RERE: variants seen among roughly 807,000 people sequenced by gnomAD.
RERE encodes the protein arginine-glutamic acid dipeptide repeats, also known as arginine-glutamic acid dipeptide repeats protein.
RERE carries 40 observed loss-of-function variants against 146.1 expected under a neutral mutation model. That is an observed-to-expected ratio of 0.27 (90% CI 0.21 to 0.36). The LOEUF (loss-of-function observed/expected upper bound fraction) is 0.36, where lower values mean the gene tolerates loss of function less well. RERE is among the 10% of genes least tolerant of loss of function. The pLI is 1.00. For synonymous variants in RERE, 1,003 were observed against 866.0 expected (o/e 1.16, Z -2.78); for missense variants, 1,933 against 2,138.7 (o/e 0.90, Z 1.90).
At chr1:8,675,793 A>G (rs1043122538) in intron 1 of RERE, among the ~76,000 whole-genome samples, 3 of 150,522 alleles carry the variant, frequency 2.0e-5, no homozygotes, top group Middle Eastern at 3.4e-3. Context: ...ATACAGGTTG[A>G]GTATCCCTTA....
intron 7 of RERE, among the ~76,000 whole-genome samples, chr1:8,509,714 G>A (rs373429275): frequency 6.6e-6 from 1 of 152,138 alleles, no homozygotes; most frequent in Non-Finnish European, 1.5e-5. Context: ...AGGATCGCTT[G>A]AGCTGGGAGG....
chr1:8,498,710 T>TA (rs1220899065), intron 8 of RERE, among the ~76,000 whole-genome samples: 109 of 68,210 alleles, frequency 1.6e-3, no homozygotes, highest in Admixed American at 2.3e-3. Context: ...AAAAAAAAAA[T>TA]AAAAAAAAAA....
At chr1:8,762,490 A>G (rs1640773840) in intron 1 of RERE, among the ~76,000 whole-genome samples, 1 of 152,244 alleles carries the variant, frequency 6.6e-6, no homozygotes, top group Non-Finnish European at 1.5e-5. Context: ...AAGACTAATC[A>G]TAATTTCCAT....
chr1:8,556,095 C>T (rs1362009252), intron 6 of RERE, among the ~76,000 whole-genome samples: 2 of 152,022 alleles, frequency 1.3e-5, no homozygotes, highest in Non-Finnish European at 2.9e-5. Flanking sequence ...AACACTTTTT[C>T]CCACCTCAGC....
intron 1 of RERE, among the ~76,000 whole-genome samples, chr1:8,740,654 A>G (rs1036114460): frequency 2.0e-5 from 3 of 152,130 alleles, no homozygotes; most frequent in African/African-American, 4.8e-5. Flanking sequence ...GCTTTATTCT[A>G]TTTTTAAATT....
chr1:8,481,724 T>C (rs1206665978), intron 10 of RERE, among the ~76,000 whole-genome samples: 1 of 152,224 alleles, frequency 6.6e-6, no homozygotes, highest in East Asian at 1.9e-4. Flanking sequence ...GTCCTATGAC[T>C]GGCTCAAAAT....
chr1:8,601,524 A>G (rs970153966), intron 4 of RERE, among the ~76,000 whole-genome samples: 6 of 151,920 alleles, frequency 3.9e-5, no homozygotes, highest in African/African-American at 1.5e-4. Flanking sequence ...GGGAGCAATC[A>G]TTTATGCTGG....
At chr1:8,416,527 A>G (rs1325335477) in intron 12 of RERE, among the ~76,000 whole-genome samples, 1 of 148,494 alleles carries the variant, frequency 6.7e-6, no homozygotes, top group Non-Finnish European at 1.5e-5. Context: ...CGGAGCTTGC[A>G]GTGAGCCGAG....
intron 1 of RERE, among the ~76,000 whole-genome samples, chr1:8,726,147 C>CTTTTTTTTTT (rs70985511): frequency 5.3e-4 from 37 of 69,380 alleles, no homozygotes; most frequent in East Asian, 9.5e-4. Context: ...TTTTTCTTTT[C>CTTTTTTTTTT]TTTTTTTTTT....
At position 8,625,619 on chromosome 1, in the gene RERE, A is replaced by T. The variant is rs148096036; in HGVS notation, c.326-1239T>A. Among the ~76,000 whole-genome samples, 419 of 152,284 alleles carry T rather than the reference A, an allele frequency of 2.8e-3. 2 individuals are homozygous for T. The highest frequency in any genetic ancestry group is 9.6e-3 in the African/African-American group (398 of 41,562). On this transcript the variant is annotated intron_variant, in intron 2 of 22. Coordinates refer to ENST00000400908, the MANE Select transcript of RERE (RefSeq NM_001042681.2). ...CCATGGCCAGCCCATAATGCCATTC[A>T]TTTTATACTTCCTCTGGACCCTTCA...
At chr1:8,553,189 A>G (rs560007806) in intron 6 of RERE, among the ~76,000 whole-genome samples, 52 of 152,058 alleles carry the variant, frequency 3.4e-4, no homozygotes, top group Non-Finnish European at 6.8e-4. Context: ...CCACTAGGCC[A>G]GTGCGTCCAC....
At chr1:8,664,443 C>T (rs1422151736) in intron 1 of RERE, among the ~76,000 whole-genome samples, 2 of 152,174 alleles carry the variant, frequency 1.3e-5, no homozygotes, top group Non-Finnish European at 2.9e-5. Context: ...AGGATCCACA[C>T]AAGTACATGT....
At chr1:8,386,671 T>C (rs1468059289) in intron 12 of RERE, among the ~76,000 whole-genome samples, 3 of 151,670 alleles carry the variant, frequency 2.0e-5, no homozygotes, top group Non-Finnish European at 4.4e-5. Flanking sequence ...AATAAACTCA[T>C]TATAGGATGC....
At chr1:8,622,186 A>G (rs1287960601) in intron 3 of RERE, among the ~76,000 whole-genome samples, 3 of 152,226 alleles carry the variant, frequency 2.0e-5, no homozygotes, top group Non-Finnish European at 4.4e-5. Flanking sequence ...ACCTCTGCCC[A>G]GAACAGCAAC....
intron 10 of RERE, among the ~76,000 whole-genome samples, chr1:8,467,126 G>C (rs1448136605): frequency 6.6e-6 from 1 of 152,194 alleles, no homozygotes; most frequent in African/African-American, 2.4e-5. Context: ...ACTAGGTTCT[G>C]GGACACAGCA....
intron 12 of RERE, among the ~76,000 whole-genome samples, chr1:8,388,661 G>A (rs554314677): frequency 2.0e-5 from 3 of 152,308 alleles, no homozygotes; most frequent in East Asian, 3.9e-4. Flanking sequence ...ACAGTTCACC[G>A]TGTGGCTGTT....
At chr1:8,550,446 T>G (rs4581300) in intron 6 of RERE, among the ~76,000 whole-genome samples, 130,177 of 152,282 alleles carry the variant, frequency 0.85, 55,913 homozygotes, top group East Asian at 0.95. Flanking sequence ...TAAAGCCAGA[T>G]AAGGATTCTT....
intron 1 of RERE, among the ~76,000 whole-genome samples, chr1:8,770,338 T>TAA (rs2124544608): frequency 6.6e-6 from 1 of 152,286 alleles, no homozygotes; most frequent in African/African-American, 2.4e-5. Flanking sequence ...AGGATGACTG[T>TAA]AAGGGGTCAT....
At chr1:8,532,602 A>T (rs1315489314) in intron 7 of RERE, among the ~76,000 whole-genome samples, 2 of 149,608 alleles carry the variant, frequency 1.3e-5, no homozygotes, top group Non-Finnish European at 3.0e-5. Flanking sequence ...ATTATTTTTA[A>T]TTTTTTTTTG....
Sources: allele counts gnomAD v4.1 joint callset (sites outside exome capture counted in the v4.1 genomes callset), GRCh38; gene constraint gnomAD v4.1.1; transcripts MANE v1.5; gene names NCBI Gene and HGNC (gene_info 2026-07-23, HGNC 2026-07-21).